Variants in RTN3 observed in about 807,000 individuals in gnomAD.
RTN3 encodes the protein reticulon-3.
In RTN3, 49 loss-of-function variants were observed where a neutral mutation model predicts 77.8. The ratio of observed to expected loss-of-function variants is 0.63; its 90% CI spans 0.50 to 0.80. The LOEUF (loss-of-function observed/expected upper bound fraction) is 0.80, where lower values mean the gene tolerates loss of function less well. Ranked by LOEUF, RTN3 falls within the 30% of genes least tolerant of loss-of-function variation. The pLI is 0.00. For synonymous variants in RTN3, 464 were observed against 446.9 expected (o/e 1.04, Z -0.48); for missense variants, 1,236 against 1,211.9 (o/e 1.02, Z -0.29).
intron 1 of RTN3, among the ~76,000 whole-genome samples, chr11:63,684,586 A>C (rs1941266629): frequency 6.6e-6 from 1 of 151,118 alleles, no homozygotes; most frequent in African/African-American, 2.4e-5. Flanking sequence ...AGCCACTGTG[A>C]CCAGCTTTAC....
chr11:63,735,845 G>A (rs112683738), intron 3 of RTN3, among the ~76,000 whole-genome samples: 3 of 151,992 alleles, frequency 2.0e-5, no homozygotes, highest in Admixed American at 6.6e-5. Context: ...TAACATTTCT[G>A]TGGAAATACA....
rs1262482497 is a variant in RTN3, at chr11:63,684,187, C to T, written c.142+2409C>T. Among the ~76,000 whole-genome samples, 74 of 116,186 alleles carry T rather than the reference C, an allele frequency of 6.4e-4. 2 individuals are homozygous for T. Among genetic ancestry groups the T allele is most frequent in the Non-Finnish European group, 1.3e-4 (8 of 61,306 alleles). 76.2% of individuals were successfully genotyped at this position (116,186 alleles called of 152,430 possible). A position where few individuals can be genotyped will look rare whatever the true frequency, so the allele number is the denominator to read the frequency against. ...TTTTTGAGACGGAGTCTCGCTTTGT[C>T]GCCCAGGCTGGAGTGCAGTGGTGCG... On this transcript the variant is annotated intron_variant, in intron 1 of 8. Coordinates refer to ENST00000377819, the MANE Select transcript of RTN3 (RefSeq NM_001265589.2).
chr11:63,727,097 TGCAGATC>T (rs952248299), intron 3 of RTN3, among the ~76,000 whole-genome samples: 1 of 149,140 alleles, frequency 6.7e-6, no homozygotes, highest in African/African-American at 2.5e-5. Context: ...AGGTCAGGGG[TGCAGATC>T]GCACCACTGC....
intron 5 of RTN3, among the ~76,000 whole-genome samples, 164 bp downstream of exon 5, chr11:63,752,809 TCTG>T (rs2014176513): frequency 6.6e-6 from 1 of 152,194 alleles, no homozygotes; most frequent in Non-Finnish European, 1.5e-5. Flanking sequence ...GGTATAGCCT[TCTG>T]CTGGGGAACA....
At chr11:63,718,084 G>A (rs959383476) in intron 2 of RTN3, among the ~76,000 whole-genome samples, 1 of 151,664 alleles carries the variant, frequency 6.6e-6, no homozygotes, top group Non-Finnish European at 1.5e-5. Flanking sequence ...GAACATCACA[G>A]CTATTTATTT....
chr11:63,732,181 C>T (rs1319022341), intron 3 of RTN3, among the ~76,000 whole-genome samples: 1 of 151,744 alleles, frequency 6.6e-6, no homozygotes, highest in African/African-American at 2.4e-5. Context: ...TTTTTGGAAA[C>T]AGGGTCTTGC....
intron 3 of RTN3, among the ~76,000 whole-genome samples, chr11:63,748,623 T>A (rs1163755655): frequency 6.6e-6 from 1 of 150,388 alleles, no homozygotes; most frequent in African/African-American, 2.5e-5. Context: ...GTGCAGAGAT[T>A]ACAGGCGTGA....
chr11:63,690,440 A>G (rs1941595756), intron 1 of RTN3, among the ~76,000 whole-genome samples: 1 of 152,190 alleles, frequency 6.6e-6, no homozygotes, highest in African/African-American at 2.4e-5. Context: ...AATAAAATAT[A>G]GATCATTCCT....
At chr11:63,709,034 G>A (rs116994690) in intron 2 of RTN3, among the ~76,000 whole-genome samples, 3 of 152,256 alleles carry the variant, frequency 2.0e-5, no homozygotes, top group Admixed American at 1.3e-4. Flanking sequence ...CAATTGAAAT[G>A]ACTTGAAAAT....
At chr11:63,721,084 T>G in intron 3 of RTN3, 52 bp downstream of exon 3, 1 of 1,466,038 alleles carries the variant, frequency 6.8e-7, no homozygotes, top group Non-Finnish European at 9.2e-7. Context: ...GATTGATTAC[T>G]TATCAGCGTG....
chr11:63,729,303 A>G (rs997011277), intron 3 of RTN3, among the ~76,000 whole-genome samples: 3 of 152,138 alleles, frequency 2.0e-5, no homozygotes, highest in Non-Finnish European at 4.4e-5. Flanking sequence ...TTTCCTCTTA[A>G]TTTCTTAAAA....
intron 1 of RTN3, among the ~76,000 whole-genome samples, chr11:63,689,611 T>TA (rs1941550101): frequency 6.6e-6 from 1 of 152,076 alleles, no homozygotes; most frequent in Non-Finnish European, 1.5e-5. Context: ...TTTTTTTTTT[T>TA]ATTTCAAATA....
chr11:63,699,964 A>G (rs921230788), intron 1 of RTN3, among the ~76,000 whole-genome samples: 4 of 152,246 alleles, frequency 2.6e-5, no homozygotes, highest in African/African-American at 4.8e-5. Flanking sequence ...AATACAGAAT[A>G]TGAATACAAT....
chr11:63,748,274 G>T (rs775985654), intron 3 of RTN3, among the ~76,000 whole-genome samples: 1 of 149,130 alleles, frequency 6.7e-6, no homozygotes, highest in Non-Finnish European at 1.5e-5. Flanking sequence ...TTACAGTTGG[G>T]GACTTACAAA....
intron 2 of RTN3, among the ~76,000 whole-genome samples, chr11:63,706,403 C>T (rs1942497079): frequency 6.6e-6 from 1 of 152,152 alleles, no homozygotes; most frequent in East Asian, 1.9e-4. Context: ...GTTGCCCAGG[C>T]TGGTCTCGAA....
Position 63,707,331 on chromosome 11 carries a change from T to G in RTN3, c.199+2424T>G, listed in dbSNP as rs183297474. Among the ~76,000 whole-genome samples the G allele has an allele frequency of 1.8e-4, 27 of 152,242 alleles. 1 individual carries two copies. The highest frequency in any genetic ancestry group is 1.5e-3 in the Admixed American group (23 of 15,282). On this transcript the variant is annotated intron_variant, in intron 2 of 8. Coordinates refer to ENST00000377819, the MANE Select transcript of RTN3 (RefSeq NM_001265589.2). ...TAGCTTTAAAAATTATTTTAATCCC[T>G]GGTTAACAACACTTACATGTACACT...
intron 6 of RTN3, among the ~76,000 whole-genome samples, 177 bp downstream of exon 6, chr11:63,753,315 C>A (rs1187844180): frequency 3.3e-5 from 5 of 152,116 alleles, no homozygotes; most frequent in Admixed American, 2.6e-4. Context: ...ATGAAATGGT[C>A]TCAGTTATAA....
chr11:63,757,445 G>C (rs1336543831), intron 8 of RTN3, among the ~76,000 whole-genome samples: 3 of 151,776 alleles, frequency 2.0e-5, no homozygotes. Context: ...CTTGACCTCT[G>C]ACCTCCCTTG....
At chr11:63,687,291 A>G (rs1941424132) in intron 1 of RTN3, among the ~76,000 whole-genome samples, 1 of 152,168 alleles carries the variant, frequency 6.6e-6, no homozygotes, top group African/African-American at 2.4e-5. Flanking sequence ...AAATTGGGAT[A>G]ATAGTATCTA....
Sources: gnomAD v4.1 joint callset for allele counts (sites outside exome capture counted in the v4.1 genomes callset) on GRCh38, gnomAD v4.1.1 for gene constraint, MANE v1.5 for transcripts, NCBI Gene and HGNC (gene_info 2026-07-23, HGNC 2026-07-21) for gene names.